The following ULK4 variants were observed in gnomAD, a reference collection of about 807,000 sequenced individuals.
ULK4 encodes the protein unc-51 like kinase 4, also known as inactive serine/threonine-protein kinase ULK4.
ULK4 carries 133 observed loss-of-function variants against 160.6 expected under a neutral mutation model. The ratio of observed to expected loss-of-function variants is 0.83; its 90% confidence interval spans 0.72 to 0.96. ULK4 has a LOEUF of 0.96. ULK4 is among the 40% of genes least tolerant of loss of function. ULK4 has a pLI of 0.00. For synonymous variants in ULK4, 534 were observed against 539.8 expected, an observed-to-expected ratio of 0.99 and a Z score of 0.15; for missense variants, 1,580 against 1,499.5, an observed-to-expected ratio of 1.05 and a Z score of -0.89.
At chr3:41,251,994 G>C (rs1201246596) in intron 35 of ULK4, among the ~76,000 whole-genome samples, 1 of 152,162 alleles carries the variant, frequency 6.6e-6, no homozygotes, top group East Asian at 1.9e-4. Context: ...TTGAAGAACT[G>C]AGGTAACAAA....
At chr3:41,759,308 C>T (rs2038910415) in intron 21 of ULK4, among the ~76,000 whole-genome samples, 1 of 152,072 alleles carries the variant, frequency 6.6e-6, no homozygotes, top group Admixed American at 6.5e-5. Flanking sequence ...GTGAGTTTAG[C>T]AAAATCTGGT....
At chr3:41,333,192 G>A (rs1269896601) in intron 35 of ULK4, among the ~76,000 whole-genome samples, 1 of 152,158 alleles carries the variant, frequency 6.6e-6, no homozygotes, top group Non-Finnish European at 1.5e-5. Context: ...GGACAAATGT[G>A]GCCTAGACAG....
At chr3:41,786,561 C>T (rs2040002099) in intron 21 of ULK4, among the ~76,000 whole-genome samples, 1 of 146,194 alleles carries the variant, frequency 6.8e-6, no homozygotes, top group Admixed American at 6.9e-5. Context: ...CACACCACTG[C>T]ACTCCAGTCT....
At chr3:41,771,588 T>A (rs985989889) in intron 21 of ULK4, among the ~76,000 whole-genome samples, 9 of 151,962 alleles carry the variant, frequency 5.9e-5, no homozygotes, top group Non-Finnish European at 1.0e-4. Flanking sequence ...GATGTTACAA[T>A]GCTTTTCCTT....
chr3:41,851,066 A>C (rs577473965), intron 17 of ULK4, among the ~76,000 whole-genome samples: 8 of 152,254 alleles, frequency 5.3e-5, no homozygotes, highest in Admixed American at 2.6e-4. Context: ...AATACCCTTT[A>C]TTTCTTTCTC....
intron 22 of ULK4, among the ~76,000 whole-genome samples, chr3:41,753,753 T>C (rs111310517): frequency 0.011 from 1,717 of 152,272 alleles, 28 homozygotes; most frequent in African/African-American, 0.039. Flanking sequence ...ACACCCTGCT[T>C]TGGATTGTTC....
chr3:41,505,591 T>C (rs1291500429), intron 32 of ULK4, among the ~76,000 whole-genome samples: 2 of 152,194 alleles, frequency 1.3e-5, no homozygotes, highest in African/African-American at 4.8e-5. Context: ...AATTTTTTAC[T>C]GATTTATAAT....
chr3:41,498,864 G>C (rs56382456), intron 32 of ULK4, among the ~76,000 whole-genome samples: 13 of 152,046 alleles, frequency 8.6e-5, no homozygotes, highest in African/African-American at 2.7e-4. Context: ...CAAAGTGCTG[G>C]GATTACAGGC....
chr3:41,706,427 A>C (rs1458009841), intron 25 of ULK4, among the ~76,000 whole-genome samples: 1 of 146,844 alleles, frequency 6.8e-6, no homozygotes, highest in African/African-American at 2.5e-5. Context: ...ATATTAAACA[A>C]AATAACATAT....
At chr3:41,701,474 C>T (rs538074024) in intron 27 of ULK4, among the ~76,000 whole-genome samples, 17 of 152,102 alleles carry the variant, frequency 1.1e-4, no homozygotes, top group Admixed American at 9.2e-4. Flanking sequence ...AAAACAACTA[C>T]CAAACTGAAA....
intron 35 of ULK4, chr3:41,278,272 G>A (rs534112615): frequency 1.3e-5 from 2 of 152,544 alleles, no homozygotes; most frequent in South Asian, 4.1e-4. Context: ...GGCTTGAGTA[G>A]GTAAACACAG....
At chr3:41,330,835 G>A (rs2080426599) in intron 35 of ULK4, among the ~76,000 whole-genome samples, 1 of 152,170 alleles carries the variant, frequency 6.6e-6, no homozygotes, top group African/African-American at 2.4e-5. Flanking sequence ...ATTGGCTACA[G>A]AGGTCAGAGA....
chr3:41,268,813 CA>C lies in ULK4; in HGVS notation c.3679-19240del, dbSNP rs1176923529. 4.1e-3 allele frequency among the ~76,000 whole-genome samples: 120 copies of C among 29,100 alleles called. No individual in the cohort carries two copies. In the Middle Eastern group the frequency reaches 0.054, roughly 13 times the overall value. 19.1% of individuals were successfully genotyped at this position (29,100 alleles called of 152,430 possible). On this transcript the variant is annotated intron_variant, in intron 35 of 36. Transcript: ENST00000301831. ...AGCAAGACTCCGTCTCACACACACACAAAAAAAAAAAAAAAAAAAAAGCCCC... is the reference window on the plus strand; with the variant it reads ...AGCAAGACTCCGTCTCACACACACACAAAAAAAAAAAAAAAAAAAAGCCCC...
At chr3:41,325,875 C>A (rs1338342737) in intron 35 of ULK4, among the ~76,000 whole-genome samples, 1 of 151,902 alleles carries the variant, frequency 6.6e-6, no homozygotes, top group Non-Finnish European at 1.5e-5. Context: ...GCCGAGACTG[C>A]ACCACTGCAC....
At chr3:41,780,179 G>C (rs1235618832) in intron 21 of ULK4, among the ~76,000 whole-genome samples, 1 of 151,456 alleles carries the variant, frequency 6.6e-6, no homozygotes, top group Non-Finnish European at 1.5e-5. Flanking sequence ...CGAGTGTGGT[G>C]GCACACACCT....
At chr3:41,950,108 A>C (rs1201069954) in intron 2 of ULK4, among the ~76,000 whole-genome samples, 4 of 149,478 alleles carry the variant, frequency 2.7e-5, no homozygotes, top group Admixed American at 2.0e-4. Flanking sequence ...TTTTTTTGAG[A>C]CAAGGTCTCA....
intron 32 of ULK4, among the ~76,000 whole-genome samples, chr3:41,520,954 A>T (rs892899224): frequency 1.3e-5 from 2 of 152,274 alleles, no homozygotes; most frequent in African/African-American, 4.8e-5. Flanking sequence ...TATATTCAGG[A>T]TATTAATTCC....
At chr3:41,609,651 A>C (rs1477569895) in intron 31 of ULK4, among the ~76,000 whole-genome samples, 2 of 152,188 alleles carry the variant, frequency 1.3e-5, no homozygotes, top group African/African-American at 4.8e-5. Flanking sequence ...TATCTTCCTA[A>C]GTCAAGCATT....
At chr3:41,746,633 A>G (rs2038433094) in intron 22 of ULK4, among the ~76,000 whole-genome samples, 1 of 151,876 alleles carries the variant, frequency 6.6e-6, no homozygotes, top group Non-Finnish European at 1.5e-5. Context: ...AAACAAGCTC[A>G]TTCCAAAGCT....
Sources: allele counts gnomAD v4.1 joint callset (sites outside exome capture counted in the v4.1 genomes callset), GRCh38; gene constraint gnomAD v4.1.1; transcripts MANE v1.5; gene names NCBI Gene and HGNC (gene_info 2026-07-23, HGNC 2026-07-21).